Variants in PAPPA observed in about 807,000 individuals in gnomAD.
PAPPA encodes pappalysin 1.
PAPPA carries 60 observed loss-of-function variants against 164.0 expected under a neutral mutation model. That is an observed-to-expected ratio of 0.37 (90% CI 0.30 to 0.45). The LOEUF (loss-of-function observed/expected upper bound fraction) is 0.45, where lower values mean the gene tolerates loss of function less well. Ranked by LOEUF, PAPPA falls within the 20% of genes least tolerant of loss-of-function variation. The pLI is 1.00. For missense variants in PAPPA, 1,782 were observed against 2,087.3 expected (o/e 0.85, Z 2.85); for synonymous variants, 875 against 814.1 (o/e 1.07, Z -1.27).
intron 8 of PAPPA, among the ~76,000 whole-genome samples, chr9:116,268,973 TAGACTC>T (rs1225725547): frequency 6.6e-6 from 1 of 152,286 alleles, no homozygotes; most frequent in East Asian, 1.9e-4. Flanking sequence ...GAAATATGGA[TAGACTC>T]AGCACTCAGT....
intron 8 of PAPPA, among the ~76,000 whole-genome samples, chr9:116,270,460 C>T (rs1845123467): frequency 2.0e-5 from 3 of 152,298 alleles, no homozygotes; most frequent in Admixed American, 2.0e-4. Flanking sequence ...TAAATCATCA[C>T]AGAAATATCA....
At chr9:116,328,169 A>G (rs1441304144) in intron 10 of PAPPA, among the ~76,000 whole-genome samples, 1 of 152,178 alleles carries the variant, frequency 6.6e-6, no homozygotes, top group African/African-American at 2.4e-5. Flanking sequence ...TGCTTCACCA[A>G]GCTCTGCTGG....
At chr9:116,258,566 G>A (rs557169722) in intron 7 of PAPPA, among the ~76,000 whole-genome samples, 1 of 152,068 alleles carries the variant, frequency 6.6e-6, no homozygotes, top group Non-Finnish European at 1.5e-5. Context: ...TGAGGCAGGA[G>A]AATCCCTTGA....
At chr9:116,260,183 G>T (rs111498936) in intron 7 of PAPPA, among the ~76,000 whole-genome samples, 1 of 152,092 alleles carries the variant, frequency 6.6e-6, no homozygotes, top group Admixed American at 6.6e-5. Context: ...GGAGCATACA[G>T]GTGGGTTTAA....
At chr9:116,377,483 A>T in intron 19 of PAPPA, 93 bp from the exon 20 acceptor site, 1 of 848,158 alleles carries the variant, frequency 1.2e-6, no homozygotes, top group Non-Finnish European at 2.0e-6. Context: ...GGAAGGTCCC[A>T]GAAGAGGTGA....
intron 1 of PAPPA, among the ~76,000 whole-genome samples, chr9:116,177,203 A>G (rs1300572660): frequency 6.6e-6 from 1 of 152,122 alleles, no homozygotes; most frequent in Non-Finnish European, 1.5e-5. Flanking sequence ...AAAGTGTTCT[A>G]TGAACAGTGT....
chr9:116,388,137 C>T (rs553385501), intron 21 of PAPPA, among the ~76,000 whole-genome samples: 9 of 152,198 alleles, frequency 5.9e-5, no homozygotes, highest in Middle Eastern at 3.4e-3. Flanking sequence ...GACCTGGGCC[C>T]GGCTGGCAGA....
chr9:116,262,334 A>T (rs564324418), intron 7 of PAPPA, among the ~76,000 whole-genome samples: 1 of 152,240 alleles, frequency 6.6e-6, no homozygotes, highest in Admixed American at 6.5e-5. Flanking sequence ...ACTACTACGG[A>T]TGGTTGAAGT....
chr9:116,379,725 T>C (rs529959218), intron 20 of PAPPA, among the ~76,000 whole-genome samples: 26 of 152,324 alleles, frequency 1.7e-4, no homozygotes, highest in African/African-American at 6.3e-4. Context: ...GAGAGAATTT[T>C]AAAATCCTGA....
intron 7 of PAPPA, among the ~76,000 whole-genome samples, chr9:116,252,578 T>C (rs1844872643): frequency 6.6e-6 from 1 of 152,198 alleles, no homozygotes; most frequent in African/African-American, 2.4e-5. Flanking sequence ...ATACAAAGAC[T>C]GGAGGCAGAT....
At chr9:116,306,909 A>C (rs1845653684) in intron 10 of PAPPA, among the ~76,000 whole-genome samples, 1 of 152,250 alleles carries the variant, frequency 6.6e-6, no homozygotes, top group South Asian at 2.1e-4. Flanking sequence ...TGGAATTTAC[A>C]GTGCTCTCCT....
At chr9:116,265,832 A>G (rs779886740) in intron 7 of PAPPA, 25 bp from the exon 8 acceptor site, 21 of 1,574,354 alleles carry the variant, frequency 1.3e-5, no homozygotes, top group Admixed American at 5.1e-5. Flanking sequence ...TAATTGTATA[A>G]TTATGTCTTC....
chr9:116,260,362 A>G (rs1844986856), intron 7 of PAPPA, among the ~76,000 whole-genome samples: 1 of 152,198 alleles, frequency 6.6e-6, no homozygotes, highest in South Asian at 2.1e-4. Flanking sequence ...CAATAATAAT[A>G]GCATGTATAG....
rs757955313 is a variant in PAPPA, at chr9:116,353,565, G to A, written c.4176-57G>A. 7 of 1,493,674 alleles carry A rather than the reference G, an allele frequency of 4.7e-6. No homozygotes were observed. In the Admixed American group the frequency reaches 5.3e-5, roughly 11 times the overall value. The allele number at this position is 1,493,674 out of a possible 1,614,324, so 92.5% of individuals were successfully genotyped here. On this transcript the variant is annotated intron_variant, in intron 16 of 21. Transcript: ENST00000328252. ...GCCCAGCTGGTGGTGTTCATGCAGG[G>A]CATGGATCTAGCCATTTGGTCCTTG...
intron 10 of PAPPA, among the ~76,000 whole-genome samples, chr9:116,330,053 T>A (rs983222195): frequency 6.6e-6 from 1 of 152,216 alleles, no homozygotes; most frequent in African/African-American, 2.4e-5. Flanking sequence ...GTTTGTTTGA[T>A]CTTGTTGAGG....
At chr9:116,223,511 T>G (rs1844469719) in intron 5 of PAPPA, among the ~76,000 whole-genome samples, 1 of 152,228 alleles carries the variant, frequency 6.6e-6, no homozygotes, top group Non-Finnish European at 1.5e-5. Flanking sequence ...CTATAGTCAG[T>G]TGGTTCTTGA....
intron 8 of PAPPA, among the ~76,000 whole-genome samples, chr9:116,267,732 G>T (rs923047019): frequency 6.6e-6 from 1 of 151,682 alleles, no homozygotes; most frequent in Non-Finnish European, 1.5e-5. Flanking sequence ...AAAATTAGCC[G>T]GGCGCGGTGG....
chr9:116,211,853 T>C lies in PAPPA; in HGVS notation c.1839T>C (p.Gly613=). The change falls in exon 4 of 22, where the codon GGT becomes GGC. Residue 613 remains glycine, a synonymous_variant. Coordinates refer to ENST00000328252, the MANE Select transcript of PAPPA (RefSeq NM_002581.5). ...CAGCCCCTAAACACAAGTCCTGTGG[T>C]GACCCAGGGCCAGGAAATGACACCT... The part of the protein sequence containing the change: ...TNPAPKHKSC[G]DPGPGNDTCG... 6.2e-7 allele frequency: 1 copy of C among 1,614,136 alleles called. No individual in the cohort carries two copies. Among genetic ancestry groups the C allele is most frequent in the Non-Finnish European group, 8.5e-7 (1 of 1,179,982 alleles).
chr9:116,374,714 A>G (rs1290491304), intron 19 of PAPPA, among the ~76,000 whole-genome samples: 1 of 152,214 alleles, frequency 6.6e-6, no homozygotes, highest in Non-Finnish European at 1.5e-5. Context: ...TCGAATCCCT[A>G]GTGGATTCTA....
Sources: gnomAD v4.1 joint callset for allele counts (sites outside exome capture counted in the v4.1 genomes callset) on GRCh38, gnomAD v4.1.1 for gene constraint, MANE v1.5 for transcripts, NCBI Gene and HGNC (gene_info 2026-07-23, HGNC 2026-07-21) for gene names.